Variants in MAPK4 observed in about 807,000 individuals in gnomAD.
MAPK4 encodes the protein mitogen-activated protein kinase 4, also known as Erk3-related.
MAPK4 carries 22 observed loss-of-function variants against 47.7 expected under a neutral mutation model. That is an observed-to-expected ratio of 0.46 (90% CI 0.33 to 0.66). The LOEUF is 0.66. Ranked by LOEUF, MAPK4 falls within the 30% of genes least tolerant of loss-of-function variation. The probability of loss-of-function intolerance (pLI) is 0.02; values close to 1 mark genes in which losing one functional copy is unlikely to be tolerated. For synonymous variants in MAPK4, 390 were observed against 365.7 expected, an observed-to-expected ratio of 1.07 and a Z score of -0.76; for missense variants, 736 against 831.7, an observed-to-expected ratio of 0.88 and a Z score of 1.42.
intron 1 of MAPK4, among the ~76,000 whole-genome samples, chr18:50,662,436 C>A (rs1907323362): frequency 6.6e-6 from 1 of 152,186 alleles, no homozygotes; most frequent in Non-Finnish European, 1.5e-5. Flanking sequence ...GAATACAGCT[C>A]ACCATGCCAG....
At chr18:50,569,018 T>C (rs2042227246) in intron 1 of MAPK4, among the ~76,000 whole-genome samples, 1 of 152,258 alleles carries the variant, frequency 6.6e-6, no homozygotes, top group South Asian at 2.1e-4. Flanking sequence ...ATTCTGTATC[T>C]GGTAATTTTT....
chr18:50,640,514 T>TG (rs1180857228), intron 1 of MAPK4, among the ~76,000 whole-genome samples: 3 of 152,222 alleles, frequency 2.0e-5, no homozygotes, highest in Middle Eastern at 6.8e-3. Flanking sequence ...CAGGCTGGAG[T>TG]GTGCAGTGGC....
chr18:50,726,537 CA>C (rs1911209830), intron 5 of MAPK4, among the ~76,000 whole-genome samples: 1 of 151,680 alleles, frequency 6.6e-6, no homozygotes, highest in South Asian at 2.1e-4. Context: ...CAAGGCGAGG[CA>C]AAAAAACAAA....
chr18:50,613,536 T>C (rs1204060909), intron 1 of MAPK4, among the ~76,000 whole-genome samples: 1 of 152,198 alleles, frequency 6.6e-6, no homozygotes, highest in African/African-American at 2.4e-5. Context: ...CCCAACTAAA[T>C]TGTGTCTACA....
rs758722448 is a variant in MAPK4, at chr18:50,715,124, C to T, written c.592C>T (p.Arg198Ter). ...GGTAACAAAGTGGTACCGTTCCCCA[C>T]GACTGCTCCTTTCCCCCAATAACTA... is the stretch of plus-strand genomic sequence containing the variant. Reference protein sequence around the residue: ...GLVTKWYRSPRLLLSPNNYTK... With the variant: ...GLVTKWYRSP The change falls in exon 3 of 6, where the codon CGA becomes TGA. Residue 198 changes from arginine to a stop codon, truncating the protein, a stop_gained. Transcript: ENST00000400384. LOFTEE classifies it high-confidence loss of function. The T allele has an allele frequency of 4.3e-6, 7 of 1,614,188 alleles. No individual in the cohort carries two copies. The highest frequency in any genetic ancestry group is 1.3e-5 in the African/African-American group (1 of 75,054).
At position 50,610,231 on chromosome 18, in the gene MAPK4, G is replaced by T. The variant is rs568123802; in HGVS notation, c.-871+49988G>T. Reference sequence around the variant, plus strand: ...AAGCAGCCGCCACCCCCAAGGCCAAGGGAACAGAGGACAGAAGCTTGGAGA... The same window carrying T: ...AAGCAGCCGCCACCCCCAAGGCCAATGGAACAGAGGACAGAAGCTTGGAGA... On this transcript the variant is annotated intron_variant, in intron 1 of 5. Transcript: ENST00000400384. 9.2e-5 allele frequency among the ~76,000 whole-genome samples: 14 copies of T among 152,334 alleles called. No individual in the cohort carries two copies. The East Asian group carries it at 2.7e-3, about 29-fold the overall frequency.
At chr18:50,704,285 G>A (rs943891499) in intron 2 of MAPK4, among the ~76,000 whole-genome samples, 2 of 152,166 alleles carry the variant, frequency 1.3e-5, no homozygotes, top group African/African-American at 2.4e-5. Context: ...TGAGGCGGGT[G>A]CAATGCTTGA....
chr18:50,575,466 A>G (rs2042286686), intron 1 of MAPK4, among the ~76,000 whole-genome samples: 1 of 152,250 alleles, frequency 6.6e-6, no homozygotes. Context: ...CATGCTGAGA[A>G]CAGAGAGCTG....
At chr18:50,713,172 G>C (rs1012238128) in intron 2 of MAPK4, among the ~76,000 whole-genome samples, 2 of 152,184 alleles carry the variant, frequency 1.3e-5, no homozygotes, top group Non-Finnish European at 1.5e-5. Flanking sequence ...GAATTGTTAC[G>C]TATCTTGATT....
chr18:50,645,509 C>G (rs2042980761), intron 1 of MAPK4, among the ~76,000 whole-genome samples: 1 of 152,140 alleles, frequency 6.6e-6, no homozygotes, highest in South Asian at 2.1e-4. Flanking sequence ...CAGTGACAGC[C>G]ATTTCATGCC....
chr18:50,594,218 A>G (rs555494929), intron 1 of MAPK4, among the ~76,000 whole-genome samples: 10 of 152,302 alleles, frequency 6.6e-5, no homozygotes, highest in Middle Eastern at 3.4e-3. Context: ...AGCCAATTGC[A>G]TGGTGCCCAC....
At chr18:50,665,824 G>A (rs1253877767) in intron 2 of MAPK4, among the ~76,000 whole-genome samples, 2 of 152,162 alleles carry the variant, frequency 1.3e-5, no homozygotes, top group Non-Finnish European at 2.9e-5. Context: ...CAAGCCATCT[G>A]TCAAAACTGA....
At chr18:50,703,553 C>A (rs1450338427) in intron 2 of MAPK4, among the ~76,000 whole-genome samples, 1 of 152,202 alleles carries the variant, frequency 6.6e-6, no homozygotes, top group Non-Finnish European at 1.5e-5. Context: ...ATTAGTCTTG[C>A]TAACAGAAGA....
intron 2 of MAPK4, among the ~76,000 whole-genome samples, chr18:50,694,197 T>C (rs1437846831): frequency 6.6e-6 from 1 of 152,194 alleles, no homozygotes; most frequent in African/African-American, 2.4e-5. Context: ...GCCATCAGAA[T>C]GACCTCCCTC....
intron 4 of MAPK4, among the ~76,000 whole-genome samples, chr18:50,724,867 C>T (rs1297585617): frequency 1.3e-5 from 2 of 152,218 alleles, no homozygotes; most frequent in Non-Finnish European, 2.9e-5. Context: ...TCCATGTGGG[C>T]TGTAACATGA....
At chr18:50,644,966 T>C (rs1168070168) in intron 1 of MAPK4, among the ~76,000 whole-genome samples, 3 of 152,150 alleles carry the variant, frequency 2.0e-5, no homozygotes, top group African/African-American at 4.8e-5. Flanking sequence ...GGGACACTGC[T>C]CAAACTTGCA....
At chr18:50,647,881 A>G (rs2043005270) in intron 1 of MAPK4, among the ~76,000 whole-genome samples, 1 of 151,946 alleles carries the variant, frequency 6.6e-6, no homozygotes, top group Non-Finnish European at 1.5e-5. Flanking sequence ...AGGGAAGGGC[A>G]CCTTTATGAC....
chr18:50,685,398 A>G (rs1421941960), intron 2 of MAPK4, among the ~76,000 whole-genome samples: 1 of 152,228 alleles, frequency 6.6e-6, no homozygotes, highest in Admixed American at 6.5e-5. Context: ...ACACGTGGCT[A>G]TGGGGAAGAT....
At chr18:50,681,163 C>A (rs1006379021) in intron 2 of MAPK4, among the ~76,000 whole-genome samples, 1 of 151,964 alleles carries the variant, frequency 6.6e-6, no homozygotes, top group Non-Finnish European at 1.5e-5. Flanking sequence ...TGGCTGATGA[C>A]GTTGAACATC....
Sources: gnomAD v4.1 joint callset for allele counts (sites outside exome capture counted in the v4.1 genomes callset) on GRCh38, gnomAD v4.1.1 for gene constraint, MANE v1.5 for transcripts, NCBI Gene and HGNC (gene_info 2026-07-23, HGNC 2026-07-21) for gene names.